The following DLGAP4 variants were observed in gnomAD, a reference collection of about 807,000 sequenced individuals.
The protein encoded by DLGAP4 is disks large-associated protein 4.
DLGAP4 carries 18 observed loss-of-function variants against 86.9 expected under a neutral mutation model. The observed-to-expected ratio is 0.21, with a 90% CI of 0.14 to 0.31. DLGAP4 has a LOEUF of 0.31. Among genes scored for constraint, DLGAP4 ranks in the 10% least tolerant of loss-of-function variants. The probability of loss-of-function intolerance (pLI) is 1.00; values close to 1 mark genes in which losing one functional copy is unlikely to be tolerated. For synonymous variants in DLGAP4, 548 were observed against 574.3 expected, an observed-to-expected ratio of 0.95 and a Z score of 0.65; for missense variants, 1,085 against 1,362.6, an observed-to-expected ratio of 0.80 and a Z score of 3.21.
intron 3 of DLGAP4, among the ~76,000 whole-genome samples, chr20:36,435,785 A>G (rs2033257012): frequency 6.6e-6 from 1 of 152,156 alleles, no homozygotes. Context: ...GCATCCCCTG[A>G]GAGTCCACGT....
At chr20:36,394,621 C>A (rs960090446) in intron 2 of DLGAP4, among the ~76,000 whole-genome samples, 2 of 152,154 alleles carry the variant, frequency 1.3e-5, no homozygotes, top group African/African-American at 4.8e-5. Context: ...GCGGTGCTTC[C>A]CCACGCTGTC....
At chr20:36,317,136 G>A (rs1048332934) in intron 1 of DLGAP4, among the ~76,000 whole-genome samples, 14 of 152,032 alleles carry the variant, frequency 9.2e-5, no homozygotes, top group Non-Finnish European at 1.8e-4. Context: ...AACCTCCAAG[G>A]AAGCTACTAT....
chr20:36,450,398 T>C (rs1260115844), intron 7 of DLGAP4, among the ~76,000 whole-genome samples: 2 of 152,100 alleles, frequency 1.3e-5, no homozygotes, highest in Non-Finnish European at 2.9e-5. Context: ...CTCAGGAGGC[T>C]GAGGCAGGAG....
chr20:36,368,324 G>C (rs2030776074), intron 2 of DLGAP4, among the ~76,000 whole-genome samples: 1 of 152,248 alleles, frequency 6.6e-6, no homozygotes, highest in Non-Finnish European at 1.5e-5. Flanking sequence ...TCATCTGCTA[G>C]AGCCTGCCCA....
At position 36,496,685 on chromosome 20, in the gene DLGAP4, C is replaced by T. The variant is rs748946213; in HGVS notation, c.1649-20C>T. ...TTCACCATCTCACCTCTCCCCTGCC[C>T]TTCTCTCATCCATCTGCAGGTTCAT... On this transcript the variant is annotated intron_variant, in intron 7 of 12. Coordinates refer to ENST00000339266, the MANE Select transcript of DLGAP4 (RefSeq NM_001365621.2). The T allele has an allele frequency of 5.0e-6, 8 of 1,587,436 alleles. No homozygotes were observed. The East Asian group carries it at 1.1e-4, about 22-fold the overall frequency.
At chr20:36,319,377 T>C (rs552010134) in intron 1 of DLGAP4, among the ~76,000 whole-genome samples, 178 of 152,138 alleles carry the variant, frequency 1.2e-3, no homozygotes, top group Non-Finnish European at 2.1e-3. Context: ...TGAGGGTGAA[T>C]TGAGGTCCTG....
At chr20:36,339,820 G>C (rs990731383) in intron 1 of DLGAP4, among the ~76,000 whole-genome samples, 1 of 152,240 alleles carries the variant, frequency 6.6e-6, no homozygotes, top group Non-Finnish European at 1.5e-5. Context: ...GGCAGAGCCA[G>C]TGCTGGCATT....
At chr20:36,378,340 C>T (rs1296505905) in intron 2 of DLGAP4, among the ~76,000 whole-genome samples, 1 of 152,158 alleles carries the variant, frequency 6.6e-6, no homozygotes, top group East Asian at 1.9e-4. Flanking sequence ...CTGGCACATG[C>T]TAAATGCACA....
chr20:36,522,098 G>A (rs1569526300), intron 10 of DLGAP4, among the ~76,000 whole-genome samples: 1 of 152,096 alleles, frequency 6.6e-6, no homozygotes, highest in East Asian at 1.9e-4. Context: ...CCCCACCTCT[G>A]TCATTCTCCT....
rs559057990 is a variant in DLGAP4 at position 36,452,762 on chromosome 20, G to A, written c.1648+5825G>A. Among the ~76,000 whole-genome samples, 12 of 151,536 alleles carry A rather than the reference G, an allele frequency of 7.9e-5. No individual in the cohort carries two copies. In the South Asian group the frequency reaches 1.5e-3, roughly 18 times the overall value. On this transcript the variant is annotated intron_variant, in intron 7 of 12. Coordinates refer to ENST00000339266, the MANE Select transcript of DLGAP4 (RefSeq NM_001365621.2). ...TGACCTCAAGTGATCTGCCCGCCTC[G>A]GCCTCCCAAAGTGTTGGGATTACAG...
At position 36,385,884 on chromosome 20, in the gene DLGAP4, C is replaced by T. The variant is rs1438172393; in HGVS notation, c.-73+18609C>T. Among the ~76,000 whole-genome samples, 3 of 152,294 alleles carry T rather than the reference C, an allele frequency of 2.0e-5. No homozygotes were observed. The East Asian group carries it at 5.8e-4, about 29-fold the overall frequency. On this transcript the variant is annotated intron_variant, in intron 2 of 12. Transcript: ENST00000339266. ...GATTACCTATGGCCTAAGAGATCTGCCTCCCCACTTCAGCCCAGGAGGCTT... is the reference window on the plus strand; with the variant it reads ...GATTACCTATGGCCTAAGAGATCTGTCTCCCCACTTCAGCCCAGGAGGCTT...
intron 10 of DLGAP4, among the ~76,000 whole-genome samples, chr20:36,517,898 C>T (rs148247835): frequency 2.6e-4 from 39 of 152,224 alleles, no homozygotes; most frequent in African/African-American, 9.4e-4. Context: ...CAGTGTGGGA[C>T]GTTTCCTCTT....
intron 1 of DLGAP4, among the ~76,000 whole-genome samples, chr20:36,356,703 C>G (rs2030341945): frequency 6.6e-6 from 1 of 151,730 alleles, no homozygotes; most frequent in South Asian, 2.1e-4. Context: ...AGTTAGAACA[C>G]GCCACTTACT....
intron 1 of DLGAP4, among the ~76,000 whole-genome samples, chr20:36,335,052 A>G (rs533326806): frequency 6.6e-6 from 1 of 152,260 alleles, no homozygotes; most frequent in Admixed American, 6.5e-5. Flanking sequence ...TTTTAATTAA[A>G]GCTGCAGGTT....
intron 10 of DLGAP4, among the ~76,000 whole-genome samples, chr20:36,522,746 G>A (rs1179944718): frequency 1.3e-5 from 2 of 152,114 alleles, no homozygotes; most frequent in Admixed American, 6.5e-5. Flanking sequence ...TCGAATTCCT[G>A]ACCTTGTGAT....
At position 36,367,255 on chromosome 20, in the gene DLGAP4, G is replaced by A. The variant is rs1569474095; in HGVS notation, c.-93G>A. Reference sequence around the variant, plus strand: ...GCCCCGACAGCTTGCCGTGTTTCCTGTGCCTGTAGCTCCCTGGTTGGTAAG... The same window carrying A: ...GCCCCGACAGCTTGCCGTGTTTCCTATGCCTGTAGCTCCCTGGTTGGTAAG... On this transcript the variant is annotated 5_prime_UTR_variant, in exon 2 of 13. In the 5' UTR this introduces an upstream ATG that the reference lacks. Transcript: ENST00000339266. 6.5e-6 allele frequency: 1 copy of A among 152,986 alleles called. No homozygotes were observed. Among genetic ancestry groups the A allele is most frequent in the Non-Finnish European group, 1.5e-5 (1 of 68,374 alleles). The allele number at this position is 152,986 out of a possible 1,614,324, so 9.5% of individuals were successfully genotyped here.
intron 1 of DLGAP4, among the ~76,000 whole-genome samples, chr20:36,317,188 T>TTCCTTCCTTCCC (rs1285091366): frequency 6.6e-6 from 1 of 151,828 alleles, no homozygotes; most frequent in Non-Finnish European, 1.5e-5. Context: ...TTTCTTTTCC[T>TTCCTTCCTTCCC]TCCTTCCTTC....
intron 7 of DLGAP4, chr20:36,461,957 C>T: frequency 2.0e-6 from 2 of 984,950 alleles, no homozygotes; most frequent in South Asian, 9.4e-5. Flanking sequence ...TTCTGGGCGA[C>T]CCCACTCTTC....
At chr20:36,322,043 A>T (rs2065173881) in intron 1 of DLGAP4, among the ~76,000 whole-genome samples, 1 of 152,180 alleles carries the variant, frequency 6.6e-6, no homozygotes, top group Non-Finnish European at 1.5e-5. Flanking sequence ...GGAACTCAAA[A>T]AGCAGGTAAA....
Sources: gnomAD v4.1 joint callset for allele counts (sites outside exome capture counted in the v4.1 genomes callset) on GRCh38, gnomAD v4.1.1 for gene constraint, MANE v1.5 for transcripts, NCBI Gene and HGNC (gene_info 2026-07-23, HGNC 2026-07-21) for gene names.